Variants in UBE2R2 observed in about 807,000 individuals in gnomAD.
UBE2R2 encodes the protein ubiquitin-conjugating enzyme E2 R2.
UBE2R2 carries 1 observed loss-of-function variant against 27.8 expected under a neutral mutation model. That is an observed-to-expected ratio of 0.04 (90% confidence interval 0.01 to 0.17). The LOEUF is 0.17. UBE2R2 is among the 10% of genes least tolerant of loss of function. The pLI, the probability that UBE2R2 is intolerant of heterozygous loss-of-function variation, is 1.00. For synonymous variants in UBE2R2, 106 were observed against 113.3 expected (o/e 0.94, Z 0.41); for missense variants, 100 against 291.0 (o/e 0.34, Z 4.78).
chr9:33,906,872 A>G lies in UBE2R2; in HGVS notation c.363-5092A>G, dbSNP rs1322573484. ...GGCAACATGACGAGATTCCATCTCT[A>G]CCAAAAAAATTAGCCAGGCATGGTA... On this transcript the variant is annotated intron_variant, in intron 3 of 4. Transcript: ENST00000263228. 2.6e-5 allele frequency among the ~76,000 whole-genome samples: 4 copies of G among 152,122 alleles called. No individual in the cohort carries two copies. The East Asian group carries it at 7.7e-4, about 29-fold the overall frequency.
chr9:33,915,121 C>A (rs1318600065), intron 4 of UBE2R2, among the ~76,000 whole-genome samples: 2 of 146,456 alleles, frequency 1.4e-5, no homozygotes, highest in African/African-American at 5.0e-5. Context: ...CAGTGGGAGA[C>A]CTTGTCTCAA....
intron 3 of UBE2R2, among the ~76,000 whole-genome samples, chr9:33,903,721 T>C (rs1822294719): frequency 6.6e-6 from 1 of 152,204 alleles, no homozygotes; most frequent in Admixed American, 6.5e-5. Context: ...CTTTGTTACT[T>C]TGGGTACTAG....
intron 1 of UBE2R2, chr9:33,818,544 A>AC: frequency 2.8e-5 from 4 of 144,902 alleles, no homozygotes; most frequent in Middle Eastern, 3.2e-3. Context: ...AAAAAAAAAA[A>AC]AAAAAAAAGG....
intron 1 of UBE2R2, among the ~76,000 whole-genome samples, chr9:33,881,227 A>C (rs1267711724): frequency 6.6e-6 from 1 of 152,170 alleles, no homozygotes; most frequent in Non-Finnish European, 1.5e-5. Context: ...TCTGTTATTC[A>C]GATAGCCACT....
chr9:33,891,819 G>C (rs1192798156), intron 2 of UBE2R2, among the ~76,000 whole-genome samples: 16 of 151,930 alleles, frequency 1.1e-4, no homozygotes, highest in Admixed American at 9.9e-4. Flanking sequence ...AAAACTTTCT[G>C]TTGTTGTTGG....
chr9:33,915,349 C>T (rs1187431394), intron 4 of UBE2R2, among the ~76,000 whole-genome samples: 1 of 152,090 alleles, frequency 6.6e-6, no homozygotes. Context: ...TGCAGTCTAC[C>T]TCTGCATATG....
At chr9:33,872,974 A>G (rs972184437) in intron 1 of UBE2R2, among the ~76,000 whole-genome samples, 3 of 152,002 alleles carry the variant, frequency 2.0e-5, no homozygotes, top group African/African-American at 7.2e-5. Context: ...CAGGAGTTTG[A>G]GAGCAGCCTG....
chr9:33,889,145 C>G (rs1821925849), intron 2 of UBE2R2, among the ~76,000 whole-genome samples: 1 of 152,134 alleles, frequency 6.6e-6, no homozygotes, highest in African/African-American at 2.4e-5. Context: ...TTCCTAAGTT[C>G]AAACTGAGTT....
chr9:33,816,964 G>A (rs1359218593), upstream of UBE2R2, among the ~76,000 whole-genome samples: 1 of 151,970 alleles, frequency 6.6e-6, no homozygotes, highest in Non-Finnish European at 1.5e-5. Context: ...GCGTCACAAA[G>A]CGCCGCGACC....
intron 1 of UBE2R2, among the ~76,000 whole-genome samples, chr9:33,864,531 C>T (rs939555232): frequency 2.0e-5 from 3 of 152,070 alleles, no homozygotes; most frequent in Non-Finnish European, 4.4e-5. Flanking sequence ...TCTGGAATTA[C>T]TCCCACATTT....
At chr9:33,869,704 C>T (rs1189002192) in intron 1 of UBE2R2, among the ~76,000 whole-genome samples, 1 of 152,090 alleles carries the variant, frequency 6.6e-6, no homozygotes, top group Non-Finnish European at 1.5e-5. Context: ...CCCACCTCAG[C>T]CTCCCAAAGT....
intron 3 of UBE2R2, among the ~76,000 whole-genome samples, chr9:33,901,551 CTTTA>C (rs139664541): frequency 0.079 from 12,027 of 152,090 alleles, 667 homozygotes; most frequent in Non-Finnish European, 0.12. Context: ...TATTCTTCCC[CTTTA>C]TTTGTTTATT....
At chr9:33,884,198 A>ATCTCTCCCTCTCTCTC (rs1821798420) in intron 1 of UBE2R2, among the ~76,000 whole-genome samples, 3 of 63,444 alleles carry the variant, frequency 4.7e-5, no homozygotes, top group Non-Finnish European at 8.9e-5. Context: ...CAACTTAAGA[A>ATCTCTCCCTCTCTCTC]TCTCTCTCTC....
intron 1 of UBE2R2, among the ~76,000 whole-genome samples, chr9:33,866,085 G>A (rs1182718004): frequency 6.6e-6 from 1 of 151,866 alleles, no homozygotes; most frequent in Non-Finnish European, 1.5e-5. Flanking sequence ...ACCCACCTCA[G>A]CCTCCCAAAG....
chr9:33,852,417 C>T lies in UBE2R2; in HGVS notation c.178-34464C>T, dbSNP rs566769979. ...TGGTCCTAGCTGTGGTTTGCTGCCACCTGGTGACAGTTGTCCACTTGAGTA... is the reference window on the plus strand; with the variant it reads ...TGGTCCTAGCTGTGGTTTGCTGCCATCTGGTGACAGTTGTCCACTTGAGTA... On this transcript the variant is annotated intron_variant, in intron 1 of 4. Coordinates refer to ENST00000263228, the MANE Select transcript of UBE2R2 (RefSeq NM_017811.4). Among the ~76,000 whole-genome samples, 4 of 152,272 alleles carry T rather than the reference C, an allele frequency of 2.6e-5. No individual in the cohort carries two copies. The South Asian group carries it at 8.3e-4, about 32-fold the overall frequency.
chr9:33,831,542 G>C (rs1431880506), intron 1 of UBE2R2, among the ~76,000 whole-genome samples: 2 of 151,954 alleles, frequency 1.3e-5, no homozygotes, highest in African/African-American at 4.8e-5. Flanking sequence ...TCAGCCTCTG[G>C]AGTAGCTGGG....
In UBE2R2 at chr9:33,821,055, A is replaced by G. The variant is rs369557074; in HGVS notation, c.177+3121A>G. Reference sequence around the variant, plus strand: ...TTACTATCTTTTTGTGTAGTTTCTTATTTTGCTACCTAAGCAAGTCGGAAT... The same window carrying G: ...TTACTATCTTTTTGTGTAGTTTCTTGTTTTGCTACCTAAGCAAGTCGGAAT... On this transcript the variant is annotated intron_variant, in intron 1 of 4. Coordinates refer to ENST00000263228, the MANE Select transcript of UBE2R2 (RefSeq NM_017811.4). Among the ~76,000 whole-genome samples the G allele has an allele frequency of 5.3e-5, 8 of 152,270 alleles. No individual in the cohort carries two copies. The South Asian group carries it at 1.4e-3, about 28-fold the overall frequency.
At chr9:33,853,092 A>T (rs770557062) in intron 1 of UBE2R2, among the ~76,000 whole-genome samples, 3 of 152,198 alleles carry the variant, frequency 2.0e-5, no homozygotes, top group Admixed American at 6.5e-5. Flanking sequence ...TTTAGCAGTA[A>T]GAGAAACCAT....
chr9:33,889,940 A>G (rs987021470), intron 2 of UBE2R2, among the ~76,000 whole-genome samples: 1 of 152,096 alleles, frequency 6.6e-6, no homozygotes, highest in Non-Finnish European at 1.5e-5. Context: ...TCGGCCTCCC[A>G]AAGTGCTGGG....
Sources: allele counts gnomAD v4.1 joint callset (sites outside exome capture counted in the v4.1 genomes callset), GRCh38; gene constraint gnomAD v4.1.1; transcripts MANE v1.5; gene names NCBI Gene and HGNC (gene_info 2026-07-23, HGNC 2026-07-21).